SYN3: variants seen among roughly 807,000 people sequenced by gnomAD.
The protein encoded by SYN3 is synapsin-3.
SYN3 carries 35 observed loss-of-function variants against 65.8 expected under a neutral mutation model. That is an observed-to-expected ratio of 0.53 (90% CI 0.41 to 0.70). The LOEUF is 0.70. Among genes scored for constraint, SYN3 ranks in the 30% least tolerant of loss-of-function variants. The pLI is 0.00. For missense variants in SYN3, 680 were observed against 749.0 expected, an observed-to-expected ratio of 0.91 and a Z score of 1.08; for synonymous variants, 270 against 292.9, an observed-to-expected ratio of 0.92 and a Z score of 0.80.
chr22:32,912,999 C>A (rs1045164882), intron 4 of SYN3, among the ~76,000 whole-genome samples: 1 of 151,976 alleles, frequency 6.6e-6, no homozygotes, highest in African/African-American at 2.4e-5. Flanking sequence ...CTTTGGACGA[C>A]GATGGTGTGT....
At chr22:32,769,738 A>G (rs370594321) in intron 6 of SYN3, among the ~76,000 whole-genome samples, 21 of 151,862 alleles carry the variant, frequency 1.4e-4, no homozygotes, top group African/African-American at 4.6e-4. Context: ...GCTGGTCTCG[A>G]ACTCCCGACC....
At chr22:32,695,640 G>A (rs2147176515) in intron 6 of SYN3, among the ~76,000 whole-genome samples, 1 of 152,310 alleles carries the variant, frequency 6.6e-6, no homozygotes, top group Non-Finnish European at 1.5e-5. Flanking sequence ...CTGCTGACAA[G>A]CTGCAAGGCT....
chr22:32,553,917 T>A (rs1487668636), intron 7 of SYN3, among the ~76,000 whole-genome samples: 3 of 152,184 alleles, frequency 2.0e-5, no homozygotes, highest in African/African-American at 7.2e-5. Flanking sequence ...TTTGAGCCAC[T>A]TAAAAATCTT....
intron 4 of SYN3, among the ~76,000 whole-genome samples, chr22:32,912,174 C>T (rs1256881798): frequency 6.6e-6 from 1 of 152,190 alleles, no homozygotes; most frequent in Non-Finnish European, 1.5e-5. Context: ...TCAGTAAAGA[C>T]TGATAGTTGC....
rs1555958571 is a variant in SYN3 at position 32,780,983 on chromosome 22, T to TCCCTTCCTTCCTTCCTTCCC, written c.711+83931_711+83932insGGGAAGGAAGGAAGGAAGGG. On this transcript the variant is annotated intron_variant, in intron 6 of 13. Transcript: ENST00000358763. ...CTTCCTTCCTTCCTTCCTTCCCTCC[T>TCCCTTCCTTCCTTCCTTCCC]TCCTTCCTCTCTCTCACCCCCTTCT... 2.3e-4 allele frequency among the ~76,000 whole-genome samples: 18 copies of TCCCTTCCTTCCTTCCTTCCC among 78,186 alleles called. No individual in the cohort carries two copies. In the South Asian group the frequency reaches 0.011, roughly 49 times the overall value. The allele number at this position is 78,186 out of a possible 152,430, so 51.3% of individuals were successfully genotyped here.
chr22:32,956,857 C>G (rs1236473176), intron 3 of SYN3, among the ~76,000 whole-genome samples: 19 of 152,208 alleles, frequency 1.2e-4, no homozygotes, highest in Admixed American at 1.2e-3. Context: ...AACTGCCATA[C>G]TGTTCTCCAC....
intron 6 of SYN3, among the ~76,000 whole-genome samples, chr22:32,686,166 C>A (rs924941160): frequency 1.3e-5 from 2 of 151,940 alleles, no homozygotes; most frequent in Non-Finnish European, 2.9e-5. Context: ...GTTGGATAAG[C>A]TTGAGAAATA....
chr22:32,971,678 C>T (rs1039672971), intron 3 of SYN3, among the ~76,000 whole-genome samples: 5 of 152,150 alleles, frequency 3.3e-5, no homozygotes, highest in Admixed American at 6.6e-5. Flanking sequence ...AAGAGTCTTA[C>T]GGATGAATTC....
rs556676328 is a variant in SYN3 at position 32,604,192 on chromosome 22, A to G, written c.712-7456T>C. 2.6e-5 allele frequency among the ~76,000 whole-genome samples: 4 copies of G among 152,342 alleles called. No homozygotes were observed. The South Asian group carries it at 8.3e-4, about 32-fold the overall frequency. ...ATTTAAATAGTCAGAGTCTGGTCCTACGTAAGCGATGGGAAAATCAAGATC... is the reference window on the plus strand; with the variant it reads ...ATTTAAATAGTCAGAGTCTGGTCCTGCGTAAGCGATGGGAAAATCAAGATC... On this transcript the variant is annotated intron_variant, in intron 6 of 13. Coordinates refer to ENST00000358763, the MANE Select transcript of SYN3 (RefSeq NM_003490.4).
chr22:32,796,185 T>C (rs868226561), intron 6 of SYN3, among the ~76,000 whole-genome samples: 4 of 152,328 alleles, frequency 2.6e-5, no homozygotes, highest in South Asian at 4.1e-4. Flanking sequence ...AATAATTGAC[T>C]GCTTGAATAT....
At chr22:32,988,685 G>A (rs1473728302) in intron 2 of SYN3, among the ~76,000 whole-genome samples, 1 of 152,118 alleles carries the variant, frequency 6.6e-6, no homozygotes, top group African/African-American at 2.4e-5. Context: ...AAGGTCAGGG[G>A]TCACCTTCCT....
At chr22:32,780,933 CT>C (rs372381023) in intron 6 of SYN3, among the ~76,000 whole-genome samples, 91 of 60,254 alleles carry the variant, frequency 1.5e-3, no homozygotes, top group African/African-American at 5.7e-4. Context: ...TCCTTCCTTC[CT>C]TTCCTTCCTT....
chr22:32,768,081 T>C (rs1030432993), intron 6 of SYN3, among the ~76,000 whole-genome samples: 3 of 152,200 alleles, frequency 2.0e-5, no homozygotes, highest in Non-Finnish European at 4.4e-5. Context: ...CTCTCTCTCC[T>C]TCCAAAGTTC....
chr22:32,779,748 A>G (rs1013700808), intron 6 of SYN3, among the ~76,000 whole-genome samples: 4 of 152,086 alleles, frequency 2.6e-5, no homozygotes, highest in Non-Finnish European at 5.9e-5. Flanking sequence ...ATGAATAGGA[A>G]AAACAGGACC....
In SYN3 at chr22:32,526,576, C is replaced by T. The variant is rs754885177; in HGVS notation, c.1318+1342G>A. ...TATCGCCCAGGGTGGAGTGCAGTGG[C>T]GCAATCTCGGCTCACTGCAACCTCC... is the stretch of plus-strand genomic sequence containing the variant. On this transcript the variant is annotated intron_variant, in intron 12 of 13. Transcript: ENST00000358763. Among the ~76,000 whole-genome samples, 79 of 152,094 alleles carry T rather than the reference C, an allele frequency of 5.2e-4. 1 individual carries two copies. Among genetic ancestry groups the T allele is most frequent in the Admixed American group, 3.8e-3 (58 of 15,272 alleles).
chr22:32,679,622 C>T (rs2060494217), intron 6 of SYN3, among the ~76,000 whole-genome samples: 1 of 152,004 alleles, frequency 6.6e-6, no homozygotes, highest in South Asian at 2.1e-4. Context: ...TTAATTTTTC[C>T]ATAGCTTCAT....
rs758009992 is a variant in SYN3, at chr22:32,509,562, T to G, written c.*4130A>C. Among the ~76,000 whole-genome samples the G allele has an allele frequency of 6.7e-5, 3 of 44,478 alleles. No homozygotes were observed. The highest frequency in any genetic ancestry group is 5.1e-4 in the African/African-American group (3 of 5,842). 29.2% of individuals were successfully genotyped at this position (44,478 alleles called of 152,430 possible). ...CATACACAGACCAATGGGGAAAGTA[T>G]TATTATTATTATTATTATTATTTTG... On this transcript the variant is annotated 3_prime_UTR_variant, in exon 14 of 14. Transcript: ENST00000358763.
intron 6 of SYN3, among the ~76,000 whole-genome samples, chr22:32,704,173 G>A (rs1249666294): frequency 6.6e-6 from 1 of 152,056 alleles, no homozygotes; most frequent in African/African-American, 2.4e-5. Context: ...CCAGTACTAA[G>A]CCTAGTACCT....
At chr22:32,912,728 A>G (rs1223025254) in intron 4 of SYN3, among the ~76,000 whole-genome samples, 1 of 152,156 alleles carries the variant, frequency 6.6e-6, no homozygotes, top group African/African-American at 2.4e-5. Context: ...CTCTAAAAAA[A>G]AAAAGTCTCA....
Sources: allele counts gnomAD v4.1 joint callset (sites outside exome capture counted in the v4.1 genomes callset), GRCh38; gene constraint gnomAD v4.1.1; transcripts MANE v1.5; gene names NCBI Gene and HGNC (gene_info 2026-07-23, HGNC 2026-07-21).